The following CDH4 variants were observed in gnomAD, a reference collection of about 807,000 sequenced individuals.
The protein encoded by CDH4 is cadherin 4, also known as cadherin-4.
CDH4 carries 33 observed loss-of-function variants against 86.0 expected under a neutral mutation model. The observed-to-expected ratio is 0.38, with a 90% CI of 0.29 to 0.51. CDH4 has a LOEUF of 0.51. Among genes scored for constraint, CDH4 ranks in the 20% least tolerant of loss-of-function variants. The pLI, the probability that CDH4 is intolerant of heterozygous loss-of-function variation, is 0.86. For synonymous variants in CDH4, 555 were observed against 549.4 expected (o/e 1.01, Z -0.14); for missense variants, 1,114 against 1,307.4 (o/e 0.85, Z 2.28).
At position 61,762,856 on chromosome 20, in the gene CDH4, AG is replaced by A. The variant is rs527638072; in HGVS notation, c.397-10142del. 2.1e-4 allele frequency among the ~76,000 whole-genome samples: 32 copies of A among 152,356 alleles called. No individual in the cohort carries two copies. In the East Asian group the frequency reaches 6.0e-3, roughly 28 times the overall value. On this transcript the variant is annotated intron_variant, in intron 3 of 15. Transcript: ENST00000614565. ...GAGCCAGCAGTTACACCTTTCCAGG[AG>A]GGGGACAGGTGCACCCCAACAAGCT...
intron 4 of CDH4, among the ~76,000 whole-genome samples, chr20:61,819,625 A>G (rs1226801979): frequency 6.6e-6 from 1 of 152,242 alleles, no homozygotes; most frequent in Non-Finnish European, 1.5e-5. Context: ...ATAAGAAAGT[A>G]TCACTTTTGA....
chr20:61,713,501 G>C (rs900656165), intron 2 of CDH4, among the ~76,000 whole-genome samples: 2 of 152,248 alleles, frequency 1.3e-5, no homozygotes, highest in Non-Finnish European at 2.9e-5. Flanking sequence ...ATGCTTGTCT[G>C]CAAGGGTCTC....
chr20:61,562,013 C>T (rs928766645), intron 2 of CDH4, among the ~76,000 whole-genome samples: 9 of 150,418 alleles, frequency 6.0e-5, no homozygotes, highest in African/African-American at 1.5e-4. Flanking sequence ...CCAGGGCTCC[C>T]GGAGAGAGAG....
At chr20:61,893,941 A>T (rs917575655) in intron 7 of CDH4, among the ~76,000 whole-genome samples, 1 of 152,112 alleles carries the variant, frequency 6.6e-6, no homozygotes, top group African/African-American at 2.4e-5. Flanking sequence ...CAGTTTATGG[A>T]ACTTGAGCAC....
chr20:61,315,486 C>T (rs918044250), intron 2 of CDH4, among the ~76,000 whole-genome samples: 5 of 152,104 alleles, frequency 3.3e-5, no homozygotes, highest in South Asian at 2.1e-4. Flanking sequence ...AGCCCGGCTT[C>T]GGTGTAGCCA....
chr20:61,562,701 G>C (rs1249514101), intron 2 of CDH4, among the ~76,000 whole-genome samples: 4 of 152,248 alleles, frequency 2.6e-5, no homozygotes, highest in Non-Finnish European at 4.4e-5. Flanking sequence ...TGTTCCAGCT[G>C]CTCCCACCTT....
chr20:61,420,708 G>C (rs1008971728), intron 2 of CDH4, among the ~76,000 whole-genome samples: 3 of 152,286 alleles, frequency 2.0e-5, no homozygotes, highest in African/African-American at 7.2e-5. Context: ...TGAGCCAGGT[G>C]CCCATGCACA....
chr20:61,275,335 T>C (rs1474422600), intron 2 of CDH4, among the ~76,000 whole-genome samples: 2 of 80,940 alleles, frequency 2.5e-5, no homozygotes, highest in African/African-American at 5.0e-5. Context: ...TTTGGGAGAG[T>C]ACCGTGCGCA....
chr20:61,630,984 G>A (rs940500078), intron 2 of CDH4, among the ~76,000 whole-genome samples: 4 of 152,242 alleles, frequency 2.6e-5, no homozygotes, highest in East Asian at 1.9e-4. Flanking sequence ...GGAGGTGGGC[G>A]TGCCCCAGGA....
intron 2 of CDH4, among the ~76,000 whole-genome samples, chr20:61,529,045 A>T (rs1394788405): frequency 2.0e-5 from 3 of 152,210 alleles, no homozygotes; most frequent in African/African-American, 4.8e-5. Context: ...TTCCTAATAA[A>T]GATCTAATCA....
At chr20:61,550,588 C>G (rs555682731) in intron 2 of CDH4, among the ~76,000 whole-genome samples, 1 of 151,240 alleles carries the variant, frequency 6.6e-6, no homozygotes, top group South Asian at 2.1e-4. Flanking sequence ...ATCCTTCTCA[C>G]GGGGATGACC....
intron 8 of CDH4, among the ~76,000 whole-genome samples, chr20:61,896,633 A>G (rs1334276096): frequency 6.6e-6 from 1 of 152,218 alleles, no homozygotes; most frequent in Non-Finnish European, 1.5e-5. Flanking sequence ...CAGCTCTCAT[A>G]CAATTGGCCA....
intron 2 of CDH4, among the ~76,000 whole-genome samples, chr20:61,492,868 C>A (rs1001378042): frequency 1.3e-5 from 2 of 152,128 alleles, no homozygotes; most frequent in African/African-American, 4.8e-5. Context: ...TTTGGGGAGT[C>A]CACAGTTAAG....
chr20:61,364,584 A>G (rs1446123460), intron 2 of CDH4, among the ~76,000 whole-genome samples: 1 of 152,234 alleles, frequency 6.6e-6, no homozygotes, highest in Non-Finnish European at 1.5e-5. Context: ...GCCAGGTCAC[A>G]GCTCACCCTC....
At chr20:61,653,135 ACT>A (rs1402421078) in intron 2 of CDH4, among the ~76,000 whole-genome samples, 1 of 124,316 alleles carries the variant, frequency 8.0e-6, no homozygotes, top group East Asian at 2.0e-4. Flanking sequence ...AGTGGTGATG[ACT>A]CTTAACGAGC....
In CDH4 at chr20:61,719,919, C is replaced by T. The variant is rs1262717501; in HGVS notation, c.170-23644C>T. Among the ~76,000 whole-genome samples the T allele has an allele frequency of 2.6e-5, 4 of 151,070 alleles. No homozygotes were observed. The South Asian group carries it at 6.3e-4, about 24-fold the overall frequency. On this transcript the variant is annotated intron_variant, in intron 2 of 15. Transcript: ENST00000614565. Reference sequence around the variant, plus strand: ...GGAAGCACCTTGCTTTTGTGAACAGCAGAAAAGGTGATAAGACATTGCGGT... The same window carrying T: ...GGAAGCACCTTGCTTTTGTGAACAGTAGAAAAGGTGATAAGACATTGCGGT...
At chr20:61,736,734 G>A (rs1018846227) in intron 2 of CDH4, among the ~76,000 whole-genome samples, 1 of 152,130 alleles carries the variant, frequency 6.6e-6, no homozygotes, top group Non-Finnish European at 1.5e-5. Context: ...CACGACAGGC[G>A]GGGTCCCTTC....
chr20:61,369,411 A>G (rs1426954774), intron 2 of CDH4, among the ~76,000 whole-genome samples: 2 of 143,106 alleles, frequency 1.4e-5, no homozygotes, highest in Admixed American at 7.4e-5. Context: ...AGACCATAAC[A>G]TTGCCCTCCA....
chr20:61,911,270 GAT>G (rs1274740547), intron 9 of CDH4, among the ~76,000 whole-genome samples: 3 of 152,186 alleles, frequency 2.0e-5, no homozygotes, highest in Admixed American at 6.5e-5. Context: ...GTTTTGGTCA[GAT>G]ATGTTCTTCT....
Sources: gnomAD v4.1 joint callset for allele counts (sites outside exome capture counted in the v4.1 genomes callset) on GRCh38, gnomAD v4.1.1 for gene constraint, MANE v1.5 for transcripts, NCBI Gene and HGNC (gene_info 2026-07-23, HGNC 2026-07-21) for gene names.